Variants in MMP13 observed in about 807,000 individuals in gnomAD.
The protein encoded by MMP13 is matrix metallopeptidase 13, also known as collagenase 3.
Under a neutral mutation model 52.1 loss-of-function variants are expected in MMP13, and 45 were observed. The observed-to-expected ratio is 0.86, with a 90% CI of 0.68 to 1.11. The LOEUF is 1.11. MMP13 is among the 50% of genes least tolerant of loss of function. The probability of loss-of-function intolerance (pLI) is 0.00; values close to 1 mark genes in which losing one functional copy is unlikely to be tolerated. For missense variants in MMP13, 576 were observed against 583.8 expected (o/e 0.99, Z 0.14); for synonymous variants, 200 against 204.4 (o/e 0.98, Z 0.18).
rs782277300 is a variant in MMP13 at position 102,945,759 on chromosome 11, GA to G, written c.1212-11del. 23 of 1,381,278 alleles carry G rather than the reference GA, an allele frequency of 1.7e-5. No homozygotes were observed. The highest frequency in any genetic ancestry group is 1.8e-4 in the Middle Eastern group (1 of 5,510). 85.6% of individuals were successfully genotyped at this position (1,381,278 alleles called of 1,614,324 possible). On this transcript the variant is annotated splice_polypyrimidine_tract_variant and intron_variant, in intron 8 of 9. Coordinates refer to ENST00000260302, the MANE Select transcript of MMP13 (RefSeq NM_002427.4). ...GTTAGTATCATCATATCTATTTAAA[GA>G]AAAAAAACTCCTAAGTCAGTTATAT... is the stretch of plus-strand genomic sequence containing the variant.
Position 102,948,112 on chromosome 11 carries a change from G to A in MMP13, c.1052-62C>T, listed in dbSNP as rs531135834. 9.8e-6 allele frequency: 14 copies of A among 1,429,818 alleles called. No individual in the cohort carries two copies. The East Asian group carries it at 2.8e-4, about 28-fold the overall frequency. The allele number at this position is 1,429,818 out of a possible 1,614,324, so 88.6% of individuals were successfully genotyped here. A position where few individuals can be genotyped will look rare whatever the true frequency, so the allele number is the denominator to read the frequency against. ...GAATCTATTAGGACTTACATATATA[G>A]ACATGTGCTTAAAGACAGGCCCACT... On this transcript the variant is annotated intron_variant, in intron 7 of 9. Transcript: ENST00000260302.
intron 7 of MMP13, 147 bp downstream of exon 7, chr11:102,948,878 G>T: frequency 9.6e-7 from 1 of 1,039,634 alleles, no homozygotes; most frequent in Non-Finnish European, 1.4e-6. Flanking sequence ...AATGGTTTCA[G>T]GTACTTTCTG....
intron 9 of MMP13, chr11:102,945,264 A>G (rs782655080): frequency 3.1e-6 from 3 of 959,434 alleles, no homozygotes; most frequent in African/African-American, 3.5e-5. Context: ...AAAGGTTGAG[A>G]ACATAATTAA....
In MMP13 at chr11:102,943,142, A is replaced by G. The variant is rs1008915193; in HGVS notation, c.*1124T>C. 1.3e-5 allele frequency: 2 copies of G among 152,132 alleles called. No homozygotes were observed. Among genetic ancestry groups the G allele is most frequent in the Non-Finnish European group, 2.9e-5 (2 of 68,028 alleles). The allele number at this position is 152,132 out of a possible 1,614,324, so 9.4% of individuals were successfully genotyped here. A position where few individuals can be genotyped will look rare whatever the true frequency, so the allele number is the denominator to read the frequency against. ...CCCTTGATGGCCGATCATATATTCA[A>G]TAAGTGCCAAGCACCCTCCCCAAGT... On this transcript the variant is annotated 3_prime_UTR_variant, in exon 10 of 10. Coordinates refer to ENST00000260302, the MANE Select transcript of MMP13 (RefSeq NM_002427.4).
chr11:102,948,880 T>C, intron 7 of MMP13, 145 bp downstream of exon 7: 7 of 1,061,436 alleles, frequency 6.6e-6, no homozygotes, highest in Non-Finnish European at 9.9e-6. Flanking sequence ...TGGTTTCAGG[T>C]ACTTTCTGGC....
intron 2 of MMP13, among the ~76,000 whole-genome samples, chr11:102,954,870 T>C (rs982764634): frequency 3.9e-5 from 6 of 152,176 alleles, no homozygotes; most frequent in Non-Finnish European, 7.4e-5. Context: ...TATAATTTAT[T>C]TTGCATGCTA....
Position 102,944,127 on chromosome 11 carries a change from C to A in MMP13, c.*139G>T. Reference sequence around the variant, plus strand: ...GCCACGCATAGTCATATAGATACTACATATTCAAAGATAACTTACTGAAGC... The same window carrying A: ...GCCACGCATAGTCATATAGATACTAAATATTCAAAGATAACTTACTGAAGC... On this transcript the variant is annotated 3_prime_UTR_variant, in exon 10 of 10. Transcript: ENST00000260302. 1 of 709,950 alleles carries A rather than the reference C, an allele frequency of 1.4e-6. No homozygotes were observed. The highest frequency in any genetic ancestry group is 2.6e-6 in the Non-Finnish European group (1 of 382,982). 44.0% of individuals were successfully genotyped at this position (709,950 alleles called of 1,614,324 possible).
chr11:102,945,411 G>T (rs1300314352), intron 9 of MMP13, among the ~76,000 whole-genome samples: 1 of 152,016 alleles, frequency 6.6e-6, no homozygotes, highest in Non-Finnish European at 1.5e-5. Context: ...AATGTTGAAG[G>T]TTTAGCATCT....
rs1555016825 is a variant in MMP13 at position 102,947,879 on chromosome 11, C to T, written c.1211+12G>A. The T allele has an allele frequency of 1.2e-6, 2 of 1,613,792 alleles. No individual in the cohort carries two copies. The highest frequency in any genetic ancestry group is 1.7e-6 in the Non-Finnish European group (2 of 1,179,776). On this transcript the variant is annotated intron_variant, in intron 8 of 9. Coordinates refer to ENST00000260302, the MANE Select transcript of MMP13 (RefSeq NM_002427.4). ...TATGACACAGATGGGTCAGTACCTA[C>T]TGCTGCCATACCTCCAGACCTGGTT... is the stretch of plus-strand genomic sequence containing the variant.
chr11:102,951,745 C>A (rs1180250597), intron 5 of MMP13, among the ~76,000 whole-genome samples: 9 of 152,080 alleles, frequency 5.9e-5, no homozygotes, highest in Non-Finnish European at 7.4e-5. Flanking sequence ...ATGGAACAGC[C>A]CATGTCTCCT....
At chr11:102,945,419 T>A (rs1379890108) in intron 9 of MMP13, among the ~76,000 whole-genome samples, 1 of 152,184 alleles carries the variant, frequency 6.6e-6, no homozygotes, top group East Asian at 1.9e-4. Flanking sequence ...AGGTTTAGCA[T>A]CTCGTATTTA....
intron 7 of MMP13, among the ~76,000 whole-genome samples, chr11:102,948,483 TACAA>T (rs1860553377): frequency 6.6e-6 from 1 of 152,114 alleles, no homozygotes; most frequent in African/African-American, 2.4e-5. Flanking sequence ...AGTTGAACAA[TACAA>T]ACAGTGTCAG....
chr11:102,948,244 T>C (rs1860548269), intron 7 of MMP13, among the ~76,000 whole-genome samples, 194 bp from the exon 8 acceptor site: 1 of 152,196 alleles, frequency 6.6e-6, no homozygotes, highest in Non-Finnish European at 1.5e-5. Flanking sequence ...TTTAGGATCT[T>C]AACTTCCCAA....
At position 102,943,965 on chromosome 11, in the gene MMP13, G is replaced by C. The variant is rs1555016324; in HGVS notation, c.*301C>G. On this transcript the variant is annotated 3_prime_UTR_variant, in exon 10 of 10. Transcript: ENST00000260302. ...CCTTATAAATATATTTTTAAATTAT[G>C]CTCTCATTGACAGACCATGTGTCCC... is the stretch of plus-strand genomic sequence containing the variant. 3.4e-6 allele frequency: 1 copy of C among 291,648 alleles called. No individual in the cohort carries two copies. Among genetic ancestry groups the C allele is most frequent in the African/African-American group, 2.2e-5 (1 of 46,350 alleles). The allele number at this position is 291,648 out of a possible 1,614,324, so 18.1% of individuals were successfully genotyped here.
intron 9 of MMP13, among the ~76,000 whole-genome samples, chr11:102,944,908 A>T (rs921250454): frequency 6.7e-6 from 1 of 149,268 alleles, no homozygotes; most frequent in African/African-American, 2.5e-5. Context: ...GGCATGAGCC[A>T]CCGCACCCAG....
chr11:102,945,858 T>C lies in MMP13; in HGVS notation c.1212-109A>G, dbSNP rs957593499. 25 of 653,240 alleles carry C rather than the reference T, an allele frequency of 3.8e-5. No individual in the cohort carries two copies. In the East Asian group the frequency reaches 7.0e-4, roughly 18 times the overall value. The allele number at this position is 653,240 out of a possible 1,614,324, so 40.5% of individuals were successfully genotyped here. ...TTCAAAATTGACAAGAATTTTAAAA[T>C]TTTCAGTCCATTTAAAGCATCTGGT... On this transcript the variant is annotated intron_variant, in intron 8 of 9. Transcript: ENST00000260302.
intron 2 of MMP13, 50 bp from the exon 3 acceptor site, chr11:102,954,656 T>C (rs1264692991): frequency 1.3e-6 from 2 of 1,537,478 alleles, no homozygotes; most frequent in African/African-American, 1.4e-5. Flanking sequence ...TGACAGCTAT[T>C]TTAGAATACA....
chr11:102,952,075 A>G lies in MMP13; in HGVS notation c.736T>C (p.Tyr246His). 4.3e-6 allele frequency: 7 copies of G among 1,613,436 alleles called. No individual in the cohort carries two copies. The highest frequency in any genetic ancestry group is 1.1e-5 in the South Asian group (1 of 91,072). The change falls in exon 5 of 10, where the codon TAC (tyrosine) becomes CAC (histidine). Residue 246 changes from tyrosine to histidine, a missense_variant. Transcript: ENST00000260302. This position sits in a 1 kb window ranked among gnomAD's most constrained non-coding sequence, Gnocchi z 4.3. The stretch of plus-strand genomic sequence containing the variant: ...AGCATAAAGTGGCTTTTGCCGGTGT[A>G]GGTGTAGATAGGAAACATGAGTGCT... ...PGALMFPIYT[Y>H]TGKSHFMLPD...
At chr11:102,947,290 G>A (rs1555016758) in intron 8 of MMP13, among the ~76,000 whole-genome samples, 1 of 152,160 alleles carries the variant, frequency 6.6e-6, no homozygotes, top group Admixed American at 6.5e-5. Flanking sequence ...GAAAGAGAAG[G>A]TGCCAATTGG....
Sources: gnomAD v4.1 joint callset for allele counts (sites outside exome capture counted in the v4.1 genomes callset) on GRCh38, gnomAD v4.1.1 for gene constraint, Gnocchi (gnomAD v3.1) non-coding constraint, MANE v1.5 for transcripts, NCBI Gene and HGNC (gene_info 2026-07-23, HGNC 2026-07-21) for gene names.